Variants in HSPG2 observed in about 807,000 individuals in gnomAD.
The protein encoded by HSPG2 is heparan sulfate proteoglycan 2.
In HSPG2, 278 loss-of-function variants were observed where a neutral mutation model predicts 526.6. The observed-to-expected ratio is 0.53, with a 90% CI of 0.48 to 0.58. HSPG2 has a LOEUF of 0.58. HSPG2 is among the 20% of genes least tolerant of loss of function. The pLI is 0.00. For missense variants in HSPG2, 5,354 were observed against 6,099.5 expected (o/e 0.88, Z 4.07); for synonymous variants, 2,465 against 2,555.4 (o/e 0.96, Z 1.07).
At position 21,841,923 on chromosome 1, in the gene HSPG2, C is replaced by A; in HGVS notation, c.9193+79G>T. ...TGAATGTGGGGCGTCCAGACTTCTG[C>A]CCCACCCTTGCACAGTGGGGATGAC... On this transcript the variant is annotated intron_variant, in intron 69 of 96. Transcript: ENST00000374695. 1.9e-6 allele frequency: 3 copies of A among 1,581,392 alleles called. No homozygotes were observed. In the South Asian group the frequency reaches 3.3e-5, roughly 18 times the overall value.
intron 15 of HSPG2, 24 bp from the exon 16 acceptor site, chr1:21,880,583 G>A: frequency 6.2e-7 from 1 of 1,611,616 alleles, no homozygotes; most frequent in Non-Finnish European, 8.5e-7. Context: ...AAGGTGGCAG[G>A]GGTCACACAT....
At position 21,835,460 on chromosome 1, in the gene HSPG2, C is replaced by A. The variant is rs2098022690; in HGVS notation, c.10453+80G>T. ...CACATTTAGGGGGATTCCTAGGGAA[C>A]AGGGTCTGGGCCTTGTGCCTCTCTG... is the stretch of plus-strand genomic sequence containing the variant. On this transcript the variant is annotated intron_variant, in intron 76 of 96. Coordinates refer to ENST00000374695, the MANE Select transcript of HSPG2 (RefSeq NM_005529.7). 4 of 914,790 alleles carry A rather than the reference C, an allele frequency of 4.4e-6. No homozygotes were observed. In the Admixed American group the frequency reaches 7.0e-5, roughly 16 times the overall value. The allele number at this position is 914,790 out of a possible 1,614,324, so 56.7% of individuals were successfully genotyped here. A position where few individuals can be genotyped will look rare whatever the true frequency, so the allele number is the denominator to read the frequency against.
intron 1 of HSPG2, among the ~76,000 whole-genome samples, chr1:21,935,194 C>T (rs1345821517): frequency 1.3e-5 from 2 of 152,166 alleles, no homozygotes; most frequent in Non-Finnish European, 2.9e-5. Flanking sequence ...CATGAGCCAC[C>T]GCGCCTGGCC....
intron 1 of HSPG2, among the ~76,000 whole-genome samples, chr1:21,901,844 G>T (rs903845130): frequency 1.3e-5 from 2 of 152,138 alleles, no homozygotes; most frequent in African/African-American, 4.8e-5. Context: ...GTCACCACAG[G>T]CTCTGCCTCA....
chr1:21,853,888 A>C, intron 50 of HSPG2: 1 of 440,508 alleles, frequency 2.3e-6, no homozygotes, highest in South Asian at 2.5e-5. Context: ...AGCTAGTTCA[A>C]GGTTGCTAAG....
intron 1 of HSPG2, chr1:21,908,210 A>G: frequency 1.1e-6 from 1 of 880,678 alleles, no homozygotes; most frequent in Non-Finnish European, 1.9e-6. Context: ...AAGAAAGGTG[A>G]TATTGTAGAC....
chr1:21,835,704 C>T (rs1018127973), intron 75 of HSPG2, 67 bp from the exon 76 acceptor site: 2 of 1,273,530 alleles, frequency 1.6e-6, no homozygotes, highest in Admixed American at 1.8e-5. Flanking sequence ...TGCAATTGGG[C>T]TGGGCGTGGT....
chr1:21,906,406 C>G (rs796862608), intron 1 of HSPG2, among the ~76,000 whole-genome samples: 1 of 152,240 alleles, frequency 6.6e-6, no homozygotes, highest in African/African-American at 2.4e-5. Flanking sequence ...TGGAACAGCC[C>G]GGCAGCTGTG....
rs751412940 is a variant in HSPG2 at position 21,872,972 on chromosome 1, C to G, written c.3888+25G>C. The G allele has an allele frequency of 1.4e-5, 22 of 1,600,532 alleles. No homozygotes were observed. Among genetic ancestry groups the G allele is most frequent in the Non-Finnish European group, 1.4e-5 (16 of 1,169,004 alleles). Reference sequence around the variant, plus strand: ...CTGGGCAGCGGGGCAGAGCAGGCCCCGCAGGGACAGGGATTCGGACTGACC... The same window carrying G: ...CTGGGCAGCGGGGCAGAGCAGGCCCGGCAGGGACAGGGATTCGGACTGACC... On this transcript the variant is annotated intron_variant, in intron 31 of 96. Coordinates refer to ENST00000374695, the MANE Select transcript of HSPG2 (RefSeq NM_005529.7). This position sits in a 1 kb window ranked among gnomAD's most constrained non-coding sequence, Gnocchi z 5.5.
chr1:21,930,905 A>G (rs1237094228), intron 1 of HSPG2, among the ~76,000 whole-genome samples: 1 of 152,214 alleles, frequency 6.6e-6, no homozygotes, highest in Admixed American at 6.6e-5. Context: ...ACACTCTGCA[A>G]GGCTTTGCGC....
intron 1 of HSPG2, among the ~76,000 whole-genome samples, chr1:21,910,253 C>T (rs1248575664): frequency 6.6e-6 from 1 of 152,204 alleles, no homozygotes; most frequent in Non-Finnish European, 1.5e-5. Flanking sequence ...GAACAAAAGG[C>T]CTTGCCCTCC....
rs1572327227 is a variant in HSPG2 at position 21,876,110 on chromosome 1, T to C, written c.3004-68A>G. 6.9e-6 allele frequency: 11 copies of C among 1,585,998 alleles called. No individual in the cohort carries two copies. The Admixed American group carries it at 1.4e-4, about 20-fold the overall frequency. On this transcript the variant is annotated intron_variant, in intron 23 of 96. Coordinates refer to ENST00000374695, the MANE Select transcript of HSPG2 (RefSeq NM_005529.7). ...GGGCCCTGTCACTGCTCCAGCCACCTTTTCCATGCAGTGTATCTCACTATT... is the reference window on the plus strand; with the variant it reads ...GGGCCCTGTCACTGCTCCAGCCACCCTTTCCATGCAGTGTATCTCACTATT...
rs777552923 is a variant in HSPG2, at chr1:21,823,454, G to C, written c.13038C>G (p.Gly4346=). Residue 4346 remains glycine (G), a synonymous_variant, in exon 97 of 97, where the codon GGC becomes GGG. Coordinates refer to ENST00000374695, the MANE Select transcript of HSPG2 (RefSeq NM_005529.7). ...AGCCTGTGATGCCTGAGGAGAATCT[G>C]CCCCCGGTCAGCGTGGCCACGTCAG... ...GAPDVATLTG[G]RFSSGITGCV... The C allele has an allele frequency of 5.0e-5, 79 of 1,594,914 alleles. 1 individual carries two copies. In the Middle Eastern group the frequency reaches 6.6e-4, roughly 13 times the overall value.
At chr1:21,877,201 A>G (rs1641146195) in intron 21 of HSPG2, among the ~76,000 whole-genome samples, 1 of 152,202 alleles carries the variant, frequency 6.6e-6, no homozygotes, top group African/African-American at 2.4e-5. Flanking sequence ...GGGGTTCACC[A>G]ATAAATTTAG....
At position 21,884,795 on chromosome 1, in the gene HSPG2, G is replaced by T; in HGVS notation, c.1479C>A (p.Asp493Glu). ...GTTGTGGGACGAGCTCAAGGACACC[G>T]TCAGGAATGCCAAACACCATGCCCC... ...NARGMVFGIPDGVLELVPQRG... is the reference protein window; with the variant it reads ...NARGMVFGIPEGVLELVPQRG... The change falls in exon 12 of 97, where the codon GAC (aspartate) becomes GAA (glutamate). Residue 493 changes from aspartate (D) to glutamate (E), a missense_variant. Transcript: ENST00000374695. 6.2e-7 allele frequency: 1 copy of T among 1,613,690 alleles called. No individual in the cohort carries two copies. The highest frequency in any genetic ancestry group is 8.5e-7 in the Non-Finnish European group (1 of 1,179,998).
At chr1:21,845,061 C>T (rs1638321077) in intron 64 of HSPG2, among the ~76,000 whole-genome samples, 1 of 152,160 alleles carries the variant, frequency 6.6e-6, no homozygotes, top group Admixed American at 6.5e-5. Context: ...GCCTGACCAA[C>T]ATGGTGAAAC....
intron 13 of HSPG2, among the ~76,000 whole-genome samples, chr1:21,883,728 C>T (rs926239717): frequency 1.3e-5 from 2 of 152,208 alleles, no homozygotes; most frequent in African/African-American, 4.8e-5. Flanking sequence ...GCATTTAATC[C>T]TCTGCAACGA....
intron 21 of HSPG2, chr1:21,877,643 G>A (rs1023127438): frequency 4.0e-4 from 62 of 156,772 alleles, no homozygotes; most frequent in African/African-American, 1.4e-3. Flanking sequence ...GATTATAGGC[G>A]CCCGCCACCA....
Position 21,823,960 on chromosome 1 carries a change from G to T in HSPG2, c.12899+161C>A, listed in dbSNP as rs1031278248. The T allele has an allele frequency of 1.8e-5, 15 of 821,960 alleles. No homozygotes were observed. The African/African-American group carries it at 2.2e-4, about 12-fold the overall frequency. The allele number at this position is 821,960 out of a possible 1,614,324, so 50.9% of individuals were successfully genotyped here. ...GCCTGCCCCCAGCGGAGTTCAGTCC[G>T]AGATGGAAGCCCGAGCCCTGGCTGG... On this transcript the variant is annotated intron_variant, in intron 95 of 96. Transcript: ENST00000374695.
Sources: gnomAD v4.1 joint callset for allele counts (sites outside exome capture counted in the v4.1 genomes callset) on GRCh38, gnomAD v4.1.1 for gene constraint, Gnocchi (gnomAD v3.1) non-coding constraint, MANE v1.5 for transcripts, NCBI Gene and HGNC (gene_info 2026-07-23, HGNC 2026-07-21) for gene names.